The following MAST4 variants were observed in gnomAD, a reference collection of about 807,000 sequenced individuals.
The protein encoded by MAST4 is microtubule associated serine/threonine kinase family member 4, also known as microtubule-associated serine/threonine-protein kinase 4.
MAST4 carries 89 observed loss-of-function variants against 162.7 expected under a neutral mutation model. The observed-to-expected ratio is 0.55, with a 90% CI of 0.46 to 0.65. The LOEUF is 0.65. MAST4 is among the 30% of genes least tolerant of loss of function. MAST4 has a pLI of 0.00. For missense variants in MAST4, 3,153 were observed against 3,374.0 expected (o/e 0.93, Z 1.62); for synonymous variants, 1,479 against 1,361.1 (o/e 1.09, Z -1.91).
At chr5:66,669,151 T>C (rs1401705125) in intron 1 of MAST4, among the ~76,000 whole-genome samples, 1 of 152,166 alleles carries the variant, frequency 6.6e-6, no homozygotes, top group South Asian at 2.1e-4. Flanking sequence ...TCCTCCACCA[T>C]CTACCACATC....
rs1381311080 is a variant in MAST4 at position 67,166,290 on chromosome 5, G to A, written c.7111G>A (p.Gly2371Arg). ...PAANTDRRAE[G>R]KKCTEALYAP... ...CGCCAACACCGACAGAAGGGCGGAAGGGAAGAAATGCACTGAAGCACTTTA... is the reference window on the plus strand; with the variant it reads ...CGCCAACACCGACAGAAGGGCGGAAAGGAAGAAATGCACTGAAGCACTTTA... The change falls in exon 29 of 29, where the codon GGG (glycine) becomes AGG (arginine). Residue 2371 changes from glycine to arginine, a missense_variant. Transcript: ENST00000403625. 8.3e-6 allele frequency: 13 copies of A among 1,562,918 alleles called. No homozygotes were observed. Among genetic ancestry groups the A allele is most frequent in the Non-Finnish European group, 5.2e-6 (6 of 1,153,396 alleles).
intron 4 of MAST4, among the ~76,000 whole-genome samples, chr5:66,943,153 A>G (rs146102990): frequency 1.1e-3 from 175 of 152,208 alleles, no homozygotes; most frequent in African/African-American, 3.8e-3. Flanking sequence ...AGCACTGGCC[A>G]TCTCCATTCT....
intron 1 of MAST4, among the ~76,000 whole-genome samples, chr5:66,612,427 G>A (rs974564775): frequency 1.3e-5 from 2 of 152,214 alleles, no homozygotes; most frequent in Non-Finnish European, 2.9e-5. Flanking sequence ...AACTCGGCTT[G>A]CTCTGGGGCT....
chr5:66,737,704 GT>G (rs1312052453), intron 1 of MAST4, among the ~76,000 whole-genome samples: 2 of 152,092 alleles, frequency 1.3e-5, no homozygotes, highest in Non-Finnish European at 2.9e-5. Flanking sequence ...CTCATTAGAG[GT>G]TTCTGAGTGA....
At chr5:66,753,473 C>G (rs1350594748) in intron 1 of MAST4, among the ~76,000 whole-genome samples, 1 of 151,672 alleles carries the variant, frequency 6.6e-6, no homozygotes, top group Non-Finnish European at 1.5e-5. Context: ...GGGGATATCA[C>G]CACCGATCCC....
At chr5:66,664,039 G>A (rs1318926838) in intron 1 of MAST4, among the ~76,000 whole-genome samples, 2 of 152,162 alleles carry the variant, frequency 1.3e-5, no homozygotes, top group Non-Finnish European at 1.5e-5. Context: ...GACTGGATGT[G>A]TAGGGTGTAA....
At chr5:66,762,253 A>C (rs935372685) in intron 2 of MAST4, among the ~76,000 whole-genome samples, 1 of 148,128 alleles carries the variant, frequency 6.8e-6, no homozygotes, top group Non-Finnish European at 1.5e-5. Context: ...TAGTCCTTAG[A>C]AGAGCTAAAA....
intron 14 of MAST4, 64 bp from the exon 15 acceptor site, chr5:67,130,146 G>A: frequency 3.5e-6 from 5 of 1,443,268 alleles, no homozygotes; most frequent in Non-Finnish European, 4.8e-6. Context: ...ATGGTTTACT[G>A]TATCCCCAAA....
chr5:67,134,471 T>C, intron 17 of MAST4, 52 bp from the exon 18 acceptor site: 1 of 1,547,222 alleles, frequency 6.5e-7, no homozygotes, highest in Non-Finnish European at 8.8e-7. Flanking sequence ...TCTTGCTCAT[T>C]TTAATTCATG....
chr5:66,802,476 A>G (rs1755969561), intron 3 of MAST4, among the ~76,000 whole-genome samples: 2 of 152,202 alleles, frequency 1.3e-5, no homozygotes, highest in African/African-American at 2.4e-5. Flanking sequence ...TAAAAAAACT[A>G]TAGCATTTCT....
intron 22 of MAST4, 114 bp downstream of exon 22, chr5:67,144,910 TC>T: frequency 7.8e-7 from 1 of 1,287,782 alleles, no homozygotes; most frequent in Non-Finnish European, 1.1e-6. Context: ...ATCTCCCACT[TC>T]CAGAGTTTCT....
chr5:67,153,327 A>G, intron 25 of MAST4, 131 bp from the exon 26 acceptor site: 1 of 941,342 alleles, frequency 1.1e-6, no homozygotes, highest in African/African-American at 1.7e-5. Flanking sequence ...GGAATAGTAA[A>G]CGTACCTGTT....
At chr5:66,911,263 T>C (rs1487793197) in intron 4 of MAST4, among the ~76,000 whole-genome samples, 1 of 152,178 alleles carries the variant, frequency 6.6e-6, no homozygotes, top group Non-Finnish European at 1.5e-5. Flanking sequence ...GATAGTTCTG[T>C]GAACACATTT....
chr5:66,909,259 C>T (rs749540051), intron 4 of MAST4, among the ~76,000 whole-genome samples: 1 of 152,114 alleles, frequency 6.6e-6, no homozygotes, highest in Non-Finnish European at 1.5e-5. Flanking sequence ...CTCTATATTG[C>T]TGTGGAGACA....
At chr5:66,634,290 C>T (rs936551619) in intron 1 of MAST4, among the ~76,000 whole-genome samples, 1 of 152,156 alleles carries the variant, frequency 6.6e-6, no homozygotes, top group Non-Finnish European at 1.5e-5. Flanking sequence ...AACTCCTGAC[C>T]TCAGGTGATC....
intron 3 of MAST4, among the ~76,000 whole-genome samples, chr5:66,878,268 G>A (rs953900574): frequency 5.3e-5 from 8 of 152,230 alleles, no homozygotes; most frequent in Non-Finnish European, 1.0e-4. Context: ...TGTGGGCCAC[G>A]TTTGCCAGTT....
chr5:66,973,701 T>C (rs1747754171), intron 4 of MAST4, among the ~76,000 whole-genome samples: 1 of 152,242 alleles, frequency 6.6e-6, no homozygotes, highest in African/African-American at 2.4e-5. Context: ...TCAAATCATT[T>C]ATTACATTGC....
chr5:66,840,353 T>C (rs774215702), intron 3 of MAST4, among the ~76,000 whole-genome samples: 7 of 152,204 alleles, frequency 4.6e-5, no homozygotes, highest in Non-Finnish European at 1.0e-4. Flanking sequence ...GATTGAATTA[T>C]ATTGATTCAA....
intron 7 of MAST4, 121 bp from the exon 8 acceptor site, chr5:67,100,314 A>G (rs1283811082): frequency 2.1e-6 from 2 of 945,620 alleles, no homozygotes; most frequent in African/African-American, 3.3e-5. Flanking sequence ...TTATAACTTT[A>G]ACATGAAAAA....
Sources: allele counts gnomAD v4.1 joint callset (sites outside exome capture counted in the v4.1 genomes callset), GRCh38; gene constraint gnomAD v4.1.1; transcripts MANE v1.5; gene names NCBI Gene and HGNC (gene_info 2026-07-23, HGNC 2026-07-21).